Variants in LPCAT1 observed in about 807,000 individuals in gnomAD.
LPCAT1 encodes lysophosphatidylcholine acyltransferase 1, also known as 1-acylglycerol-3-phosphate O-acyltransferase.
Under a neutral mutation model 60.9 loss-of-function variants are expected in LPCAT1, and 23 were observed. That is an observed-to-expected ratio of 0.38 (90% confidence interval 0.27 to 0.53). The LOEUF (loss-of-function observed/expected upper bound fraction) is 0.53. Among genes scored for constraint, LPCAT1 ranks in the 20% least tolerant of loss-of-function variants. LPCAT1 has a pLI of 0.82. For missense variants in LPCAT1, 622 were observed against 723.6 expected, an observed-to-expected ratio of 0.86 and a Z score of 1.61; for synonymous variants, 340 against 301.1, an observed-to-expected ratio of 1.13 and a Z score of -1.34.
chr5:1,476,412 C>T lies in LPCAT1; in HGVS notation c.899+992G>A, dbSNP rs1009856524. 2.6e-5 allele frequency among the ~76,000 whole-genome samples: 4 copies of T among 152,078 alleles called. No homozygotes were observed. Among genetic ancestry groups the T allele is most frequent in the African/African-American group, 7.3e-5 (3 of 41,378 alleles). ...AGGATGGGAACGTGAGGGAACGGGC[C>T]GCCCAGCTGAATCTTCAGGGTGTCA... On this transcript the variant is annotated intron_variant, in intron 9 of 13. Coordinates refer to ENST00000283415, the MANE Select transcript of LPCAT1 (RefSeq NM_024830.5). This position sits in a 1 kb window ranked among gnomAD's most constrained non-coding sequence, Gnocchi z 8.6.
intron 1 of LPCAT1, among the ~76,000 whole-genome samples, chr5:1,517,874 GGGGGACGAGGGGACAA>G (rs1736551728): frequency 6.6e-6 from 1 of 152,248 alleles, no homozygotes; most frequent in Non-Finnish European, 1.5e-5. Context: ...CTCCCCACAC[GGGGGACGAGGGGACAA>G]GGGGACGAGG....
At chr5:1,479,438 A>T in intron 8 of LPCAT1, 183 bp downstream of exon 8, 5 of 610,754 alleles carry the variant, frequency 8.2e-6, no homozygotes, top group Non-Finnish European at 1.5e-5. Flanking sequence ...CATAAGAGAG[A>T]CATAAAGTCA....
chr5:1,488,281 A>G, intron 5 of LPCAT1, 110 bp downstream of exon 5: 1 of 641,878 alleles, frequency 1.6e-6, no homozygotes, highest in Non-Finnish European at 2.6e-6. Flanking sequence ...CCCAGCACAC[A>G]GGATAAAAAC....
chr5:1,509,084 GC>G (rs1736275037), intron 1 of LPCAT1, among the ~76,000 whole-genome samples: 1 of 152,258 alleles, frequency 6.6e-6, no homozygotes, highest in Admixed American at 6.5e-5. Flanking sequence ...ACACTGCAGT[GC>G]CCCAGCCAGT....
Position 1,510,199 on chromosome 5 carries a change from C to A in LPCAT1, c.136-8596G>T, listed in dbSNP as rs896955899. 3.3e-5 allele frequency among the ~76,000 whole-genome samples: 5 copies of A among 152,170 alleles called. No individual in the cohort carries two copies. The South Asian group carries it at 6.2e-4, about 19-fold the overall frequency. ...CCCCGTGTGACTGCAGGAGGATCTG[C>A]GCCTCCCCGCAGGAACCCCTCTCCC... On this transcript the variant is annotated intron_variant, in intron 1 of 13. Coordinates refer to ENST00000283415, the MANE Select transcript of LPCAT1 (RefSeq NM_024830.5).
rs200256446 is a variant in LPCAT1 at position 1,512,634 on chromosome 5, CCTGAG to C, written c.136-11036_136-11032del. On this transcript the variant is annotated intron_variant, in intron 1 of 13. Transcript: ENST00000283415. Reference sequence around the variant, plus strand: ...CCTGTGGGCTGACTCCCTCGGGCCCCCTGAGCTATGTATGGCCCACGCCTTCACCT... The same window carrying C: ...CCTGTGGGCTGACTCCCTCGGGCCCCCTATGTATGGCCCACGCCTTCACCT... 4.0e-3 allele frequency among the ~76,000 whole-genome samples: 611 copies of C among 152,330 alleles called. 4 individuals carry two copies. The highest frequency in any genetic ancestry group is 0.014 in the African/African-American group (565 of 41,576).
intron 10 of LPCAT1, 142 bp downstream of exon 10, chr5:1,474,418 G>T: frequency 8.3e-7 from 1 of 1,204,568 alleles, no homozygotes; most frequent in Non-Finnish European, 1.1e-6. Flanking sequence ...CACTATGTGG[G>T]CTTAAGTTGA....
chr5:1,515,914 G>A (rs1030666800), intron 1 of LPCAT1, among the ~76,000 whole-genome samples: 3 of 152,266 alleles, frequency 2.0e-5, no homozygotes, highest in African/African-American at 7.2e-5. Flanking sequence ...GCTGCAGGGA[G>A]CCCCTGGACC....
At chr5:1,465,898 C>G (rs1481702772) in intron 13 of LPCAT1, among the ~76,000 whole-genome samples, 2 of 152,008 alleles carry the variant, frequency 1.3e-5, no homozygotes, top group African/African-American at 4.8e-5. Context: ...CACACGCACA[C>G]ACACGTGTGC....
chr5:1,503,172 C>A (rs36981), intron 1 of LPCAT1, among the ~76,000 whole-genome samples: 39,639 of 152,000 alleles, frequency 0.26, 6,093 homozygotes, highest in Non-Finnish European at 0.34. Context: ...AATTTGCCTC[C>A]CCTTCCCCGC....
At chr5:1,467,045 G>A in intron 12 of LPCAT1, 155 bp from the exon 13 acceptor site, 1 of 710,184 alleles carries the variant, frequency 1.4e-6, no homozygotes, top group Non-Finnish European at 2.0e-6. Context: ...ACTTCCATGT[G>A]GAGCCATGCA....
In LPCAT1 at chr5:1,496,347, T is replaced by G. The variant is rs1451125087; in HGVS notation, c.279-1433A>C. On this transcript the variant is annotated intron_variant, in intron 2 of 13. Coordinates refer to ENST00000283415, the MANE Select transcript of LPCAT1 (RefSeq NM_024830.5). The surrounding 1 kb of genome is among the most constrained non-coding windows in gnomAD (Gnocchi z 4.7). ...CTGCACTCCAGCCTGGGCAACAGAGTGAGACTCCATCTCAAGAAAACTAAA... is the reference window on the plus strand; with the variant it reads ...CTGCACTCCAGCCTGGGCAACAGAGGGAGACTCCATCTCAAGAAAACTAAA... Among the ~76,000 whole-genome samples, 3 of 149,104 alleles carry G rather than the reference T, an allele frequency of 2.0e-5. No homozygotes were observed. The highest frequency in any genetic ancestry group is 2.1e-4 in the South Asian group (1 of 4,732).
Position 1,477,409 on chromosome 5 carries a change from C to T in LPCAT1, c.894G>A (p.Met298Ile), listed in dbSNP as rs558517257. The T allele has an allele frequency of 6.2e-7, 1 of 1,613,886 alleles. No individual in the cohort carries two copies. Among genetic ancestry groups the T allele is most frequent in the African/African-American group, 1.3e-5 (1 of 75,006 alleles). The change falls in exon 9 of 14, where the codon ATG becomes ATA. Residue 298 changes from methionine to isoleucine, a missense_variant. Physicochemically the swap from Met to Ile is conservative, Grantham distance 10 (BLOSUM62 1). This residue lies in a region of LPCAT1 where 209 missense variants were observed against 325.5 expected (regional missense o/e 0.64). Transcript: ENST00000283415. The surrounding 1 kb of genome is among the most constrained non-coding windows in gnomAD (Gnocchi z 6.0). Reference protein sequence around the residue: ...ALYASNVRRVMAEALGVSVTD... With the variant: ...ALYASNVRRVIAEALGVSVTD... Reference sequence around the variant, plus strand: ...GGAAGGAGCTGCTCACTTACTCGGCCATGACTCGCCGCACGTTGCTGGCAT... The same window carrying T: ...GGAAGGAGCTGCTCACTTACTCGGCTATGACTCGCCGCACGTTGCTGGCAT...
rs971054290 is a variant in LPCAT1 at position 1,487,364 on chromosome 5, G to A, written c.667+1027C>T. ...TCAGAATGACTCAGAACCACGCGTG[G>A]TGAAGACAATGGAACGGGAAGACCC... On this transcript the variant is annotated intron_variant, in intron 5 of 13. Transcript: ENST00000283415. The surrounding 1 kb of genome is among the most constrained non-coding windows in gnomAD (Gnocchi z 6.1). 2.0e-5 allele frequency among the ~76,000 whole-genome samples: 3 copies of A among 152,226 alleles called. No homozygotes were observed. The highest frequency in any genetic ancestry group is 4.4e-5 in the Non-Finnish European group (3 of 68,032).
intron 1 of LPCAT1, among the ~76,000 whole-genome samples, chr5:1,509,083 T>C (rs1736274833): frequency 6.6e-6 from 1 of 152,336 alleles, no homozygotes; most frequent in South Asian, 2.1e-4. Flanking sequence ...CACACTGCAG[T>C]GCCCCAGCCA....
chr5:1,480,804 C>A lies in LPCAT1; in HGVS notation c.761+138G>T. 9.4e-7 allele frequency: 1 copy of A among 1,065,486 alleles called. No homozygotes were observed. The highest frequency in any genetic ancestry group is 1.5e-6 in the Non-Finnish European group (1 of 688,076). 66.0% of individuals were successfully genotyped at this position (1,065,486 alleles called of 1,614,324 possible). A position where few individuals can be genotyped will look rare whatever the true frequency, so the allele number is the denominator to read the frequency against. On this transcript the variant is annotated intron_variant, in intron 7 of 13. Coordinates refer to ENST00000283415, the MANE Select transcript of LPCAT1 (RefSeq NM_024830.5). The surrounding 1 kb of genome is among the most constrained non-coding windows in gnomAD (Gnocchi z 6.4). ...GCCACATCTGTACGTTTAGTTTTCA[C>A]AATGGGCTGAACCTAACGGCTGTCC...
chr5:1,485,606 C>A (rs925904609), intron 5 of LPCAT1, among the ~76,000 whole-genome samples: 3 of 152,164 alleles, frequency 2.0e-5, no homozygotes, highest in African/African-American at 4.8e-5. Flanking sequence ...AAGGCCATCA[C>A]CCCTTATTCA....
chr5:1,511,358 C>T (rs77850695), intron 1 of LPCAT1, among the ~76,000 whole-genome samples: 6 of 152,306 alleles, frequency 3.9e-5, no homozygotes, highest in East Asian at 3.9e-4. Context: ...ACCACCTGCA[C>T]GCCTCGCTCA....
At chr5:1,494,072 C>T (rs539992148) in intron 3 of LPCAT1, among the ~76,000 whole-genome samples, 10 of 152,346 alleles carry the variant, frequency 6.6e-5, no homozygotes, top group East Asian at 1.9e-4. Context: ...CCCCAGATGA[C>T]GAGAGGGTGA....
Sources: gnomAD v4.1 joint callset for allele counts (sites outside exome capture counted in the v4.1 genomes callset) on GRCh38, gnomAD v4.1.1 for gene constraint, gnomAD v4.1.1 regional missense constraint, Gnocchi (gnomAD v3.1) non-coding constraint, MANE v1.5 for transcripts, NCBI Gene and HGNC (gene_info 2026-07-23, HGNC 2026-07-21) for gene names.